The following POLQ variants were observed in gnomAD, a reference collection of about 807,000 sequenced individuals.
POLQ encodes the protein DNA polymerase theta.
In POLQ, 233 loss-of-function variants were observed where a neutral mutation model predicts 259.2. The observed-to-expected ratio is 0.90, with a 90% confidence interval of 0.81 to 1.00. The LOEUF (loss-of-function observed/expected upper bound fraction) is 1.00, where lower values mean the gene tolerates loss of function less well. Among genes scored for constraint, POLQ ranks in the 50% least tolerant of loss-of-function variants. The pLI is 0.00. For missense variants in POLQ, 2,871 were observed against 3,051.6 expected (o/e 0.94, Z 1.39); for synonymous variants, 1,025 against 1,048.8 (o/e 0.98, Z 0.44).
intron 9 of POLQ, among the ~76,000 whole-genome samples, chr3:121,517,588 G>A (rs971418856): frequency 1.3e-5 from 2 of 152,122 alleles, no homozygotes; most frequent in East Asian, 3.9e-4. Context: ...GTAATCATGT[G>A]AAAGTTCTGG....
chr3:121,453,828 C>T (rs1374034452), intron 25 of POLQ, among the ~76,000 whole-genome samples: 2 of 152,198 alleles, frequency 1.3e-5, no homozygotes, highest in African/African-American at 2.4e-5. Context: ...TCCAGGAGAA[C>T]TTCCCCAATC....
chr3:121,530,095 A>G (rs2048400348), intron 6 of POLQ, among the ~76,000 whole-genome samples: 1 of 152,232 alleles, frequency 6.6e-6, no homozygotes, highest in Non-Finnish European at 1.5e-5. Context: ...AGGGGTTTAT[A>G]GTCTCACCAA....
Position 121,533,057 on chromosome 3 carries a change from A to G in POLQ, c.893T>C (p.Val298Ala). The change falls in exon 6 of 30, where the codon GTT becomes GCT. Residue 298 changes from valine (V) to alanine (A), a missense_variant. This residue lies in a region of POLQ where 783 missense variants were observed against 906.2 expected (regional missense o/e 0.86). Coordinates refer to ENST00000264233, the MANE Select transcript of POLQ (RefSeq NM_199420.4). ...RPVPLLESVK[V>A]GNSIYDSSMK... The stretch of plus-strand genomic sequence containing the variant: ...TGAAGAGTCATATATGGAATTTCCA[A>G]CTTTTACTGACTCCAAAAGCGGTAC... 6.2e-7 allele frequency: 1 copy of G among 1,614,012 alleles called. No homozygotes were observed. Among genetic ancestry groups the G allele is most frequent in the Non-Finnish European group, 8.5e-7 (1 of 1,179,968 alleles).
At chr3:121,510,556 G>A (rs897526121) in intron 10 of POLQ, among the ~76,000 whole-genome samples, 4 of 151,376 alleles carry the variant, frequency 2.6e-5, no homozygotes, top group African/African-American at 9.7e-5. Context: ...CAGCCTGGGC[G>A]ACAGAGCGAG....
intron 12 of POLQ, among the ~76,000 whole-genome samples, chr3:121,499,175 A>G (rs2048147309): frequency 6.6e-6 from 1 of 152,190 alleles, no homozygotes; most frequent in African/African-American, 2.4e-5. Context: ...CCTCATTCAT[A>G]TGGAAACATC....
intron 2 of POLQ, 67 bp from the exon 3 acceptor site, chr3:121,541,546 G>A (rs1436222438): frequency 4.2e-6 from 6 of 1,422,766 alleles, no homozygotes; most frequent in Non-Finnish European, 1.9e-6. Flanking sequence ...ATTAATAAAT[G>A]TTTTAAGCCA....
At chr3:121,439,794 C>T (rs2047574565) in intron 27 of POLQ, among the ~76,000 whole-genome samples, 198 bp downstream of exon 27, 1 of 152,214 alleles carries the variant, frequency 6.6e-6, no homozygotes. Flanking sequence ...ATTAATCCCC[C>T]AGACTCTGTT....
intron 4 of POLQ, among the ~76,000 whole-genome samples, 191 bp from the exon 5 acceptor site, chr3:121,537,399 C>T (rs923262012): frequency 6.6e-6 from 1 of 152,146 alleles, no homozygotes; most frequent in Non-Finnish European, 1.5e-5. Context: ...GATCCCATCA[C>T]CCAGGTACTT....
At chr3:121,449,157 TAGTA>T (rs1186836355) in intron 26 of POLQ, among the ~76,000 whole-genome samples, 154 bp downstream of exon 26, 1 of 152,208 alleles carries the variant, frequency 6.6e-6, no homozygotes, top group African/African-American at 2.4e-5. Context: ...TATTACATCT[TAGTA>T]AGTGATTATA....
At position 121,432,339 on chromosome 3, in the gene POLQ, C is replaced by A; in HGVS notation, c.7738G>T (p.Ala2580Ser). ...AAGTCCTTTAGCTCTCCCCAGCTGG[C>A]GCCTATTTTCACTTTCACTTTCAAT... ...VKLKVKVKIG[A>S]SWGELKDFDV is the part of the protein sequence containing the mutation. The change falls in exon 30 of 30, where the codon GCC (alanine) becomes TCC (serine). Residue 2580 changes from alanine (A) to serine (S), a missense_variant. Around this residue, in one of 3 missense-constraint regions of POLQ, gnomAD observed 2,080 missense variants for 2,126.0 expected, o/e 0.98. Transcript: ENST00000264233. 1.2e-6 allele frequency: 2 copies of A among 1,606,586 alleles called. No homozygotes were observed. Among genetic ancestry groups the A allele is most frequent in the Non-Finnish European group, 8.5e-7 (1 of 1,176,592 alleles).
At chr3:121,481,181 C>T (rs532384366) in intron 19 of POLQ, among the ~76,000 whole-genome samples, 8 of 152,284 alleles carry the variant, frequency 5.3e-5, no homozygotes, top group Middle Eastern at 6.8e-3. Flanking sequence ...AATAAAAATC[C>T]TTTGATAAAG....
chr3:121,454,095 G>C (rs890542460), intron 25 of POLQ, among the ~76,000 whole-genome samples: 1 of 152,198 alleles, frequency 6.6e-6, no homozygotes, highest in Non-Finnish European at 1.5e-5. Context: ...TTAAAGAAAT[G>C]AATTTTCAAC....
Position 121,457,498 on chromosome 3 carries a change from T to G in POLQ, c.7152+2552A>C, listed in dbSNP as rs373050860. Among the ~76,000 whole-genome samples the G allele has an allele frequency of 2.0e-5, 3 of 152,294 alleles. No homozygotes were observed. In the South Asian group the frequency reaches 6.2e-4, roughly 32 times the overall value. The stretch of plus-strand genomic sequence containing the variant: ...GCAACCTACTCATCTGACAAAGGGC[T>G]AATATCCAGAATCTACAATGAACTC... On this transcript the variant is annotated intron_variant, in intron 25 of 29. Transcript: ENST00000264233.
At chr3:121,494,488 C>G in intron 14 of POLQ, 2 of 1,475,714 alleles carry the variant, frequency 1.4e-6, no homozygotes, top group Non-Finnish European at 1.9e-6. Context: ...GCAGAGGGGA[C>G]GTCCCCACCA....
chr3:121,450,226 C>G (rs1170484115), intron 25 of POLQ, among the ~76,000 whole-genome samples: 2 of 152,078 alleles, frequency 1.3e-5, no homozygotes, highest in African/African-American at 2.4e-5. Context: ...AAAGCAAGCT[C>G]TGTATAAATA....
intron 25 of POLQ, among the ~76,000 whole-genome samples, chr3:121,453,928 G>T (rs547024976): frequency 2.0e-5 from 3 of 152,176 alleles, no homozygotes; most frequent in Non-Finnish European, 4.4e-5. Flanking sequence ...ACACATAATT[G>T]TCAGATTCAC....
chr3:121,450,079 T>C (rs904506685), intron 25 of POLQ, among the ~76,000 whole-genome samples: 2 of 151,664 alleles, frequency 1.3e-5, no homozygotes, highest in Non-Finnish European at 3.0e-5. Context: ...ATTCACAAAA[T>C]GTATCATCTT....
chr3:121,443,575 T>C (rs995844334), intron 26 of POLQ, among the ~76,000 whole-genome samples: 13 of 152,336 alleles, frequency 8.5e-5, no homozygotes, highest in African/African-American at 3.1e-4. Flanking sequence ...GGTTGTTTCC[T>C]TTGCTGTGCA....
chr3:121,446,061 T>C (rs2047630198), intron 26 of POLQ, among the ~76,000 whole-genome samples: 1 of 152,162 alleles, frequency 6.6e-6, no homozygotes, highest in Non-Finnish European at 1.5e-5. Flanking sequence ...TCTTTTTTTT[T>C]AATGTAGGCA....
Sources: gnomAD v4.1 joint callset for allele counts (sites outside exome capture counted in the v4.1 genomes callset) on GRCh38, gnomAD v4.1.1 for gene constraint, gnomAD v4.1.1 regional missense constraint, MANE v1.5 for transcripts, NCBI Gene and HGNC (gene_info 2026-07-23, HGNC 2026-07-21) for gene names.